Variants in ZMAT4 observed in about 807,000 individuals in gnomAD.
ZMAT4 encodes zinc finger matrin-type 4.
ZMAT4 carries 17 observed loss-of-function variants against 28.7 expected under a neutral mutation model. That is an observed-to-expected ratio of 0.59 (90% CI 0.41 to 0.89). ZMAT4 has a LOEUF of 0.89. Among genes scored for constraint, ZMAT4 ranks in the 40% least tolerant of loss-of-function variants. The pLI is 0.00. For missense variants in ZMAT4, 240 were observed against 283.8 expected, an observed-to-expected ratio of 0.85 and a Z score of 1.11; for synonymous variants, 117 against 109.2, an observed-to-expected ratio of 1.07 and a Z score of -0.44.
At position 40,560,291 on chromosome 8, in the gene ZMAT4, G is replaced by A. The variant is rs147419312; in HGVS notation, c.674+20874C>T. On this transcript the variant is annotated intron_variant, in intron 6 of 6. Transcript: ENST00000297737. ...AACAAATTATGTAAATAATAACACC[G>A]CCAATTATAGACAGTCTATTTTCCA... Among the ~76,000 whole-genome samples the A allele has an allele frequency of 2.6e-3, 399 of 151,364 alleles. 2 individuals are homozygous for A. The highest frequency in any genetic ancestry group is 9.0e-3 in the African/African-American group (370 of 41,236).
intron 4 of ZMAT4, among the ~76,000 whole-genome samples, chr8:40,687,833 A>G (rs1018349257): frequency 6.6e-6 from 1 of 152,200 alleles, no homozygotes; most frequent in Non-Finnish European, 1.5e-5. Context: ...CAAAATGAAG[A>G]TGCTAATGAT....
At chr8:40,885,401 G>A (rs1818419015) in intron 1 of ZMAT4, among the ~76,000 whole-genome samples, 1 of 152,138 alleles carries the variant, frequency 6.6e-6, no homozygotes, top group African/African-American at 2.4e-5. Context: ...TCCGACCCGA[G>A]CCATCTCCCT....
chr8:40,686,974 GA>G (rs1809437268), intron 4 of ZMAT4, among the ~76,000 whole-genome samples: 1 of 152,120 alleles, frequency 6.6e-6, no homozygotes, highest in South Asian at 2.1e-4. Context: ...CATGAGGCGG[GA>G]AAAGTGGTTG....
intron 4 of ZMAT4, among the ~76,000 whole-genome samples, chr8:40,690,530 T>C (rs1411010794): frequency 6.6e-6 from 1 of 152,198 alleles, no homozygotes; most frequent in Non-Finnish European, 1.5e-5. Context: ...CAAACTATTG[T>C]TTGCATCTAT....
intron 3 of ZMAT4, among the ~76,000 whole-genome samples, chr8:40,731,468 C>T (rs1252944773): frequency 1.3e-5 from 2 of 152,014 alleles, no homozygotes; most frequent in African/African-American, 4.8e-5. Context: ...AAACAGCAAA[C>T]CTAAGGGAAG....
At chr8:40,788,440 C>A (rs1814177649) in intron 2 of ZMAT4, among the ~76,000 whole-genome samples, 1 of 152,080 alleles carries the variant, frequency 6.6e-6, no homozygotes, top group Non-Finnish European at 1.5e-5. Flanking sequence ...CAAAAATTAG[C>A]CGGGCGTGGT....
intron 3 of ZMAT4, among the ~76,000 whole-genome samples, chr8:40,765,414 C>A (rs989653727): frequency 6.6e-6 from 1 of 152,074 alleles, no homozygotes; most frequent in Non-Finnish European, 1.5e-5. Flanking sequence ...GTAACAAAAG[C>A]ATCAACTATC....
chr8:40,768,146 C>T (rs1048332181), intron 2 of ZMAT4, among the ~76,000 whole-genome samples: 6 of 152,276 alleles, frequency 3.9e-5, no homozygotes, highest in Non-Finnish European at 7.4e-5. Context: ...GAGCCTGGTG[C>T]ACCTCACCCC....
chr8:40,646,543 A>T, intron 5 of ZMAT4, among the ~76,000 whole-genome samples: 1 of 152,258 alleles, frequency 6.6e-6, no homozygotes, highest in Admixed American at 6.5e-5. Flanking sequence ...TATATTAACC[A>T]ATTTAAAATA....
At chr8:40,793,378 C>G (rs1814446697) in intron 2 of ZMAT4, among the ~76,000 whole-genome samples, 1 of 152,202 alleles carries the variant, frequency 6.6e-6, no homozygotes, top group African/African-American at 2.4e-5. Flanking sequence ...CCGTGTGCCC[C>G]TGGAGGGGGA....
At chr8:40,788,113 G>A (rs963634739) in intron 2 of ZMAT4, among the ~76,000 whole-genome samples, 2 of 152,166 alleles carry the variant, frequency 1.3e-5, no homozygotes, top group Admixed American at 1.3e-4. Flanking sequence ...CAGACCAATG[G>A]GGAAACAAAT....
intron 3 of ZMAT4, among the ~76,000 whole-genome samples, chr8:40,744,070 C>T (rs1311893604): frequency 1.3e-5 from 2 of 152,204 alleles, no homozygotes; most frequent in Non-Finnish European, 2.9e-5. Flanking sequence ...GAATGCCCAG[C>T]ACTGAGCCCA....
intron 3 of ZMAT4, among the ~76,000 whole-genome samples, chr8:40,734,837 AT>A (rs1301567353): frequency 6.6e-6 from 1 of 152,240 alleles, no homozygotes; most frequent in African/African-American, 2.4e-5. Flanking sequence ...ATTGTCCAAA[AT>A]TTAAAAAAAT....
At chr8:40,830,208 CA>C (rs1255839102) in intron 1 of ZMAT4, among the ~76,000 whole-genome samples, 2 of 152,252 alleles carry the variant, frequency 1.3e-5, no homozygotes, top group East Asian at 1.9e-4. Context: ...ATTTTAGGTT[CA>C]GGGGGTACAG....
chr8:40,588,883 C>T (rs1804757976), intron 5 of ZMAT4, among the ~76,000 whole-genome samples: 1 of 152,122 alleles, frequency 6.6e-6, no homozygotes, highest in Non-Finnish European at 1.5e-5. Context: ...CTCAAAACAA[C>T]CCCAATGCCC....
At chr8:40,868,256 A>G (rs542652705) in intron 1 of ZMAT4, among the ~76,000 whole-genome samples, 95 of 152,298 alleles carry the variant, frequency 6.2e-4, no homozygotes, top group Non-Finnish European at 9.1e-4. Context: ...AATCAAGAGG[A>G]CCACAGGATA....
intron 3 of ZMAT4, among the ~76,000 whole-genome samples, chr8:40,704,489 C>T (rs1470911078): frequency 6.6e-6 from 1 of 152,194 alleles, no homozygotes; most frequent in African/African-American, 2.4e-5. Flanking sequence ...TGACCTCTCC[C>T]AGTCCTTAAC....
intron 5 of ZMAT4, among the ~76,000 whole-genome samples, chr8:40,593,536 C>T (rs973317614): frequency 6.6e-5 from 10 of 152,056 alleles, no homozygotes; most frequent in African/African-American, 1.9e-4. Context: ...TGACAACTGT[C>T]GAAGGATTGT....
chr8:40,719,374 G>A (rs995338118), intron 3 of ZMAT4, among the ~76,000 whole-genome samples: 2 of 152,028 alleles, frequency 1.3e-5, no homozygotes, highest in East Asian at 1.9e-4. Flanking sequence ...CCTTGGGGTC[G>A]GAGGTTGCAG....
Sources: allele counts gnomAD v4.1 joint callset (sites outside exome capture counted in the v4.1 genomes callset), GRCh38; gene constraint gnomAD v4.1.1; transcripts MANE v1.5; gene names NCBI Gene and HGNC (gene_info 2026-07-23, HGNC 2026-07-21).